Variants in TTL observed in about 807,000 individuals in gnomAD.
The protein encoded by TTL is tubulin tyrosine ligase, also known as tubulin--tyrosine ligase.
A neutral mutation model predicts 41.1 loss-of-function variants in TTL; 10 were observed. The observed-to-expected ratio is 0.24, with a 90% CI of 0.15 to 0.41. TTL has a LOEUF of 0.41. TTL is among the 10% of genes least tolerant of loss of function. The pLI, the probability that TTL is intolerant of heterozygous loss-of-function variation, is 1.00. For synonymous variants in TTL, 175 were observed against 175.5 expected (o/e 1.00, Z 0.02); for missense variants, 367 against 460.4 (o/e 0.80, Z 1.86).
At chr2:112,514,309 G>C (rs557386346) in intron 5 of TTL, among the ~76,000 whole-genome samples, 7 of 151,982 alleles carry the variant, frequency 4.6e-5, no homozygotes, top group Non-Finnish European at 7.4e-5. Context: ...TTGAACCTGG[G>C]GGGTGGAAGT....
At chr2:112,487,682 G>A (rs773966558) in intron 2 of TTL, among the ~76,000 whole-genome samples, 24 of 152,168 alleles carry the variant, frequency 1.6e-4, no homozygotes, top group Non-Finnish European at 2.8e-4. Flanking sequence ...GACAGTACCT[G>A]CCCCTTGCCC....
At chr2:112,496,463 C>T (rs2104453895) in intron 3 of TTL, among the ~76,000 whole-genome samples, 1 of 152,210 alleles carries the variant, frequency 6.6e-6, no homozygotes, top group South Asian at 2.1e-4. Flanking sequence ...CTACTGTTTA[C>T]CATGTCCACT....
In TTL at chr2:112,540,448, AAGAG is replaced by A. The variant is rs774774623; in HGVS notation, c.*11655_*11658del. 15 of 70,004 alleles carry A rather than the reference AAGAG, an allele frequency of 2.1e-4. No homozygotes were observed. The highest frequency in any genetic ancestry group is 4.6e-4 in the African/African-American group (15 of 32,924). 4.3% of individuals were successfully genotyped at this position (70,004 alleles called of 1,614,324 possible). A position where few individuals can be genotyped will look rare whatever the true frequency, so the allele number is the denominator to read the frequency against. On this transcript the variant is annotated 3_prime_UTR_variant, in exon 7 of 7. Coordinates refer to ENST00000233336, the MANE Select transcript of TTL (RefSeq NM_153712.5). ...AAACAAAAAACAAAAAAAAAAAAAA[AAGAG>A]AAAGAAATTGACAAGCTAAGCTGAC...
chr2:112,486,531 A>G (rs1681243359), intron 2 of TTL, among the ~76,000 whole-genome samples: 1 of 152,234 alleles, frequency 6.6e-6, no homozygotes, highest in Non-Finnish European at 1.5e-5. Flanking sequence ...TCCTTCTCTC[A>G]TGGCTGTAAG....
intron 5 of TTL, 59 bp downstream of exon 5, chr2:112,503,240 A>T: frequency 1.4e-6 from 2 of 1,411,512 alleles, no homozygotes; most frequent in Non-Finnish European, 1.9e-6. Context: ...TTTGGCGTCT[A>T]TGCCTTTCAA....
In TTL at chr2:112,514,677, T is replaced by G. The variant is rs763496215; in HGVS notation, c.876-5605T>G. Among the ~76,000 whole-genome samples, 138 of 152,342 alleles carry G rather than the reference T, an allele frequency of 9.1e-4. 1 individual carries two copies. Among genetic ancestry groups the G allele is most frequent in the Admixed American group, 3.8e-3 (58 of 15,302 alleles). ...GGTTTTTATAAATTTTACTATGAGA[T>G]GTGTGTAGTTTTCTTTGTACATATT... is the stretch of plus-strand genomic sequence containing the variant. On this transcript the variant is annotated intron_variant, in intron 5 of 6. Transcript: ENST00000233336.
chr2:112,491,660 C>T (rs896495984), intron 2 of TTL, among the ~76,000 whole-genome samples: 1 of 152,136 alleles, frequency 6.6e-6, no homozygotes, highest in South Asian at 2.1e-4. Flanking sequence ...CTCTGTAAAA[C>T]ATTTGCTTAA....
chr2:112,496,976 A>G (rs1368227669), intron 3 of TTL, among the ~76,000 whole-genome samples: 1 of 151,916 alleles, frequency 6.6e-6, no homozygotes, highest in Non-Finnish European at 1.5e-5. Flanking sequence ...ACCAGCCACC[A>G]CACCCGGCTA....
In TTL at chr2:112,531,701, C is replaced by A. The variant is rs1213335022; in HGVS notation, c.*2906C>A. The A allele has an allele frequency of 4.5e-6, 1 of 222,134 alleles. No homozygotes were observed. Among genetic ancestry groups the A allele is most frequent in the Non-Finnish European group, 9.0e-6 (1 of 111,244 alleles). 13.8% of individuals were successfully genotyped at this position (222,134 alleles called of 1,614,324 possible). Reference sequence around the variant, plus strand: ...GGCTTATGACTTAAAAAAAAAAATTCTTTTTGGAAACACAAGCATTTCTTT... The same window carrying A: ...GGCTTATGACTTAAAAAAAAAAATTATTTTTGGAAACACAAGCATTTCTTT... On this transcript the variant is annotated 3_prime_UTR_variant, in exon 7 of 7. Coordinates refer to ENST00000233336, the MANE Select transcript of TTL (RefSeq NM_153712.5).
chr2:112,496,372 C>T (rs1267109531), intron 3 of TTL, among the ~76,000 whole-genome samples: 1 of 152,072 alleles, frequency 6.6e-6, no homozygotes, highest in Non-Finnish European at 1.5e-5. Flanking sequence ...GGTTTTTATT[C>T]TTGTTAAACA....
At position 112,532,819 on chromosome 2, in the gene TTL, C is replaced by T. The variant is rs540907052; in HGVS notation, c.*4024C>T. 2 of 153,120 alleles carry T rather than the reference C, an allele frequency of 1.3e-5. No homozygotes were observed. Among genetic ancestry groups the T allele is most frequent in the Non-Finnish European group, 2.9e-5 (2 of 68,880 alleles). The allele number at this position is 153,120 out of a possible 1,614,324, so 9.5% of individuals were successfully genotyped here. A position where few individuals can be genotyped will look rare whatever the true frequency, so the allele number is the denominator to read the frequency against. Reference sequence around the variant, plus strand: ...GCCAGATGTGCAGTAATTTGCTGACCCCAGGATGTTACCCAATACATAAGC... The same window carrying T: ...GCCAGATGTGCAGTAATTTGCTGACTCCAGGATGTTACCCAATACATAAGC... On this transcript the variant is annotated 3_prime_UTR_variant, in exon 7 of 7. Transcript: ENST00000233336.
intron 2 of TTL, among the ~76,000 whole-genome samples, chr2:112,490,568 CTTTTTTTTTT>C (rs35722764): frequency 9.0e-6 from 1 of 110,684 alleles, no homozygotes; most frequent in Non-Finnish European, 1.8e-5. Context: ...CTTAGTAAAT[CTTTTTTTTTT>C]TTTTTTTTTT....
intron 4 of TTL, among the ~76,000 whole-genome samples, chr2:112,502,079 A>C (rs1259337289): frequency 6.6e-6 from 1 of 152,052 alleles, no homozygotes; most frequent in Non-Finnish European, 1.5e-5. Context: ...ACCTCAGGGG[A>C]TTTTAAGTTT....
chr2:112,498,838 C>T (rs531341415), intron 3 of TTL, among the ~76,000 whole-genome samples: 7 of 151,346 alleles, frequency 4.6e-5, no homozygotes, highest in Non-Finnish European at 8.8e-5. Flanking sequence ...CCAGCCTAGG[C>T]GACAAGACCA....
intron 3 of TTL, among the ~76,000 whole-genome samples, chr2:112,497,737 G>A (rs1287457610): frequency 2.0e-5 from 3 of 151,840 alleles, no homozygotes; most frequent in Admixed American, 1.3e-4. Flanking sequence ...GGGCGTTAAC[G>A]TTTGGGAAAG....
At chr2:112,522,852 A>C (rs1393297914) in intron 6 of TTL, among the ~76,000 whole-genome samples, 2 of 152,080 alleles carry the variant, frequency 1.3e-5, no homozygotes, top group East Asian at 3.9e-4. Context: ...TTGCACTGTC[A>C]CCCCTGCACA....
In TTL at chr2:112,531,681, A is replaced by G. The variant is rs551458725; in HGVS notation, c.*2886A>G. 48 of 224,658 alleles carry G rather than the reference A, an allele frequency of 2.1e-4. 1 individual carries two copies. The highest frequency in any genetic ancestry group is 1.0e-3 in the African/African-American group (45 of 45,000). 13.9% of individuals were successfully genotyped at this position (224,658 alleles called of 1,614,324 possible). ...ATCTTGGAAGAATTGCATAAGGCTT[A>G]TGACTTAAAAAAAAAAATTCTTTTT... On this transcript the variant is annotated 3_prime_UTR_variant, in exon 7 of 7. Coordinates refer to ENST00000233336, the MANE Select transcript of TTL (RefSeq NM_153712.5).
chr2:112,485,091 C>T (rs919554296), intron 1 of TTL, among the ~76,000 whole-genome samples: 22 of 151,896 alleles, frequency 1.4e-4, no homozygotes, highest in South Asian at 6.2e-4. Flanking sequence ...CTAGAATTAC[C>T]GGTGTGCGCC....
Position 112,536,093 on chromosome 2 carries a change from T to C in TTL, c.*7298T>C, listed in dbSNP as rs1682592127. ...TTGGAAGTGACAGGATCTCACTCTT[T>C]ATGGCTGAACAGTACTCCATTGTGT... On this transcript the variant is annotated 3_prime_UTR_variant, in exon 7 of 7. Coordinates refer to ENST00000233336, the MANE Select transcript of TTL (RefSeq NM_153712.5). The C allele has an allele frequency of 6.6e-6, 1 of 152,230 alleles. No homozygotes were observed. The highest frequency in any genetic ancestry group is 2.4e-5 in the African/African-American group (1 of 41,466). The allele number at this position is 152,230 out of a possible 1,614,324, so 9.4% of individuals were successfully genotyped here.
Sources: gnomAD v4.1 joint callset for allele counts (sites outside exome capture counted in the v4.1 genomes callset) on GRCh38, gnomAD v4.1.1 for gene constraint, MANE v1.5 for transcripts, NCBI Gene and HGNC (gene_info 2026-07-23, HGNC 2026-07-21) for gene names.